The following LINGO3 variants were observed in gnomAD, a reference collection of about 807,000 sequenced individuals.
The protein encoded by LINGO3 is leucine-rich repeat and immunoglobulin-like domain-containing nogo receptor-interacting protein 3.
For missense variants in LINGO3, 750 were observed against 867.7 expected (o/e 0.86, Z 1.70); for synonymous variants, 427 against 444.2 (o/e 0.96, Z 0.49).
At chr19:2,293,156 C>T (rs2025542567), upstream of LINGO3, among the ~76,000 whole-genome samples, 1 of 152,060 alleles carries the variant, frequency 6.6e-6, no homozygotes, top group African/African-American at 2.4e-5. Context: ...GCTCTGCCTC[C>T]CGGGTTCACG....
the LINGO3 span, among the ~76,000 whole-genome samples, chr19:2,305,836 C>A: frequency 6.6e-6 from 1 of 152,208 alleles, no homozygotes; most frequent in Non-Finnish European, 1.5e-5. Flanking sequence ...GGGGGCCCAG[C>A]CCCTCACAGC....
the LINGO3 span, among the ~76,000 whole-genome samples, chr19:2,301,440 C>CGG: frequency 2.9e-4 from 44 of 152,236 alleles, no homozygotes; most frequent in African/African-American, 1.1e-3. Context: ...TCCCTGGACA[C>CGG]GGCCCAGAGT....
the LINGO3 span, among the ~76,000 whole-genome samples, chr19:2,301,090 C>G: frequency 1.3e-5 from 2 of 152,114 alleles, no homozygotes; most frequent in Admixed American, 1.3e-4. Context: ...CTGCATCCCA[C>G]AATCCTCAGC....
At chr19:2,302,662 G>A in the LINGO3 span, among the ~76,000 whole-genome samples, 2 of 152,208 alleles carry the variant, frequency 1.3e-5, no homozygotes, top group Admixed American at 1.3e-4. Context: ...GCCCGGTCTC[G>A]GGAGTCTGGG....
the LINGO3 span, among the ~76,000 whole-genome samples, chr19:2,301,152 G>A: frequency 2.6e-5 from 4 of 152,182 alleles, no homozygotes; most frequent in Non-Finnish European, 4.4e-5. Context: ...CCCTGAGTGG[G>A]AGGGAGAGAG....
Position 2,290,926 on chromosome 19 carries a change from G to T in LINGO3, c.851C>A (p.Thr284Lys). 2 of 1,611,886 alleles carry T rather than the reference G, an allele frequency of 1.2e-6. No homozygotes were observed. The highest frequency in any genetic ancestry group is 1.7e-6 in the Non-Finnish European group (2 of 1,179,506). The change falls in exon 1 of 1, where the codon ACG (threonine) becomes AAG (lysine). Residue 284 changes from threonine to lysine, a missense_variant. Transcript: ENST00000585527. The surrounding 1 kb of genome is among the most constrained non-coding windows in gnomAD (Gnocchi z 6.0). Reference sequence around the variant, plus strand: ...GTCCCGGAACGACCCCCGCGGCACCGTGCTGATGGGGTTGTGCGACAGATT... The same window carrying T: ...GTCCCGGAACGACCCCCGCGGCACCTTGCTGATGGGGTTGTGCGACAGATT...
upstream of LINGO3, among the ~76,000 whole-genome samples, chr19:2,294,020 A>G (rs921784029): frequency 3.9e-5 from 6 of 152,020 alleles, no homozygotes; most frequent in Admixed American, 3.9e-4. This position sits in a 1 kb window ranked among gnomAD's most constrained non-coding sequence, Gnocchi z 4.3. Flanking sequence ...ACTGCGCTCT[A>G]GCCACTGGGC....
At chr19:2,293,818 C>T (rs774975296), upstream of LINGO3, among the ~76,000 whole-genome samples, 27 of 151,120 alleles carry the variant, frequency 1.8e-4, no homozygotes, top group Non-Finnish European at 3.5e-4. Context: ...TTTGGGAGGC[C>T]GAGGTGGGTG....
chr19:2,306,902 G>C, the LINGO3 span, among the ~76,000 whole-genome samples: 2 of 152,130 alleles, frequency 1.3e-5, no homozygotes, highest in Admixed American at 6.6e-5. Flanking sequence ...AGAACAGCCA[G>C]GGTAAGGCCA....
chr19:2,304,004 C>T, the LINGO3 span, among the ~76,000 whole-genome samples: 740 of 152,304 alleles, frequency 4.9e-3, 3 homozygotes, highest in African/African-American at 0.017. Context: ...CTGGGCTGAG[C>T]GAGTGAGAAG....
upstream of LINGO3, among the ~76,000 whole-genome samples, chr19:2,296,822 C>T (rs1568413627): frequency 6.6e-6 from 1 of 151,024 alleles, no homozygotes; most frequent in Non-Finnish European, 1.5e-5. Context: ...GGCATGGTGG[C>T]TCACACCTGT....
upstream of LINGO3, among the ~76,000 whole-genome samples, chr19:2,292,264 G>C (rs988163134): frequency 1.3e-5 from 2 of 151,294 alleles, no homozygotes; most frequent in African/African-American, 4.9e-5. Flanking sequence ...CAGGCATGGT[G>C]GCCTGCACCT....
the LINGO3 span, among the ~76,000 whole-genome samples, chr19:2,303,551 A>AC: frequency 6.6e-6 from 1 of 151,862 alleles, no homozygotes; most frequent in African/African-American, 2.4e-5. Flanking sequence ...GGGGCACTGA[A>AC]CCCCCAGGGA....
Position 2,290,978 on chromosome 19 carries a change from G to A in LINGO3, c.799C>T (p.Arg267Trp), listed in dbSNP as rs188672021. The A allele has an allele frequency of 5.8e-4, 927 of 1,611,730 alleles. No homozygotes were observed. Among genetic ancestry groups the A allele is most frequent in the Non-Finnish European group, 7.5e-4 (882 of 1,179,464 alleles). The change falls in exon 1 of 1, where the codon CGG becomes TGG. Residue 267 changes from arginine to tryptophan, a missense_variant. Transcript: ENST00000585527. This position sits in a 1 kb window ranked among gnomAD's most constrained non-coding sequence, Gnocchi z 6.0. ...AGGCAGGTGAGGTGCGCCTGGTGCCGCAGCGCGGCGGCCGGCACGGCGGTG... is the reference window on the plus strand; with the variant it reads ...AGGCAGGTGAGGTGCGCCTGGTGCCACAGCGCGGCGGCCGGCACGGCGGTG...
chr19:2,294,344 C>T (rs188746070), upstream of LINGO3, among the ~76,000 whole-genome samples: 49 of 152,306 alleles, frequency 3.2e-4, no homozygotes, highest in African/African-American at 8.7e-4. The surrounding 1 kb of genome is among the most constrained non-coding windows in gnomAD (Gnocchi z 4.3). Flanking sequence ...AGGAAGGACG[C>T]GCCCCGGGAG....
chr19:2,303,129 T>C, the LINGO3 span, among the ~76,000 whole-genome samples: 1 of 152,004 alleles, frequency 6.6e-6, no homozygotes, highest in Admixed American at 6.6e-5. Context: ...CAGCAGTCAC[T>C]CCCAGCCCCT....
At chr19:2,301,385 T>G in the LINGO3 span, among the ~76,000 whole-genome samples, 16 of 151,548 alleles carry the variant, frequency 1.1e-4, no homozygotes, top group African/African-American at 3.4e-4. Context: ...CTCTACCCAC[T>G]CCAAGCCAGG....
At chr19:2,297,602 C>CTTT in the LINGO3 span, among the ~76,000 whole-genome samples, 1 of 130,978 alleles carries the variant, frequency 7.6e-6, no homozygotes, top group Non-Finnish European at 1.7e-5. Flanking sequence ...CGCACCCGGC[C>CTTT]TTTTTTTTTT....
the LINGO3 span, among the ~76,000 whole-genome samples, chr19:2,303,874 C>T: frequency 6.6e-6 from 1 of 152,226 alleles, no homozygotes; most frequent in African/African-American, 2.4e-5. Context: ...AGAGCCAGGA[C>T]AAGAACTCAC....
Sources: gnomAD v4.1 joint callset for allele counts (sites outside exome capture counted in the v4.1 genomes callset) on GRCh38, gnomAD v4.1.1 for gene constraint, Gnocchi (gnomAD v3.1) non-coding constraint, MANE v1.5 for transcripts, NCBI Gene and HGNC (gene_info 2026-07-23, HGNC 2026-07-21) for gene names.